Variants in LINGO1 observed in about 807,000 individuals in gnomAD.
The protein encoded by LINGO1 is leucine rich repeat and Ig domain containing 1, also known as leucine-rich repeat and immunoglobulin-like domain-containing nogo receptor-interacting protein 1.
Under a neutral mutation model 37.3 loss-of-function variants are expected in LINGO1, and 11 were observed. The ratio of observed to expected loss-of-function variants is 0.29; its 90% confidence interval spans 0.19 to 0.49. The LOEUF (loss-of-function observed/expected upper bound fraction) is 0.49. Among genes scored for constraint, LINGO1 ranks in the 20% least tolerant of loss-of-function variants. The pLI is 0.99. For missense variants in LINGO1, 585 were observed against 878.2 expected (o/e 0.67, Z 4.22); for synonymous variants, 387 against 403.0 (o/e 0.96, Z 0.48).
chr15:77,762,031 C>A (rs1018912009), intron 1 of LINGO1, among the ~76,000 whole-genome samples: 1 of 152,170 alleles, frequency 6.6e-6, no homozygotes, highest in African/African-American at 2.4e-5. Flanking sequence ...CCTCTTGGGT[C>A]TTTTGAGGCC....
chr15:77,615,678 C>T lies in LINGO1; in HGVS notation c.229G>A (p.Asp77Asn). The change falls in exon 2 of 2, where the codon GAC becomes AAC. Residue 77 changes from aspartate (D) to asparagine (N), a missense_variant. Around this residue, in one of 4 missense-constraint regions of LINGO1, gnomAD observed 484 missense variants for 735.0 expected, o/e 0.66. Coordinates refer to ENST00000355300, the MANE Select transcript of LINGO1 (RefSeq NM_032808.7). ...GTTTTGATGCGGTTCTTGCCTAGGT[C>T]CAGCAGGCGCGTCTCGGTGGGGATG... is the stretch of plus-strand genomic sequence containing the variant. ...EGIPTETRLL[D>N]LGKNRIKTLN... is the part of the protein sequence containing the mutation. 1.9e-6 allele frequency: 3 copies of T among 1,603,172 alleles called. No homozygotes were observed. The highest frequency in any genetic ancestry group is 2.6e-6 in the Non-Finnish European group (3 of 1,172,912).
chr15:77,819,848 G>A (rs2077083724), intron 1 of LINGO1, among the ~76,000 whole-genome samples: 1 of 151,392 alleles, frequency 6.6e-6, no homozygotes, highest in African/African-American at 2.4e-5. Flanking sequence ...CACTCCCGCG[G>A]GAAGCGCCGG....
intron 1 of LINGO1, among the ~76,000 whole-genome samples, chr15:77,810,314 ACACACACATACACATG>A (rs1393637461): frequency 6.6e-6 from 1 of 150,886 alleles, no homozygotes; most frequent in East Asian, 1.9e-4. Flanking sequence ...CTAGGCTCAC[ACACACACATACACATG>A]CACACACACA....
chr15:77,623,519 G>T (rs1246990299), intron 1 of LINGO1, among the ~76,000 whole-genome samples: 1 of 152,224 alleles, frequency 6.6e-6, no homozygotes, highest in Non-Finnish European at 1.5e-5. Context: ...TTGGGGGGCT[G>T]CCTCCTGGCC....
intron 3 of LINGO1, among the ~76,000 whole-genome samples, chr15:77,654,677 G>C (rs573522001): frequency 2.0e-5 from 3 of 152,148 alleles, no homozygotes; most frequent in Non-Finnish European, 4.4e-5. Context: ...AATGGAAAGG[G>C]CTCGAGAGCT....
chr15:77,698,654 C>T (rs2075728029), upstream of LINGO1, among the ~76,000 whole-genome samples: 1 of 152,134 alleles, frequency 6.6e-6, no homozygotes, highest in African/African-American at 2.4e-5. Flanking sequence ...ACCAGAGAGA[C>T]ATAGTGGGGT....
chr15:77,774,587 A>G (rs1210263849), intron 1 of LINGO1, among the ~76,000 whole-genome samples: 1 of 152,122 alleles, frequency 6.6e-6, no homozygotes, highest in Non-Finnish European at 1.5e-5. Flanking sequence ...CCAGCAGGGC[A>G]TGAGCCCAGT....
intron 1 of LINGO1, among the ~76,000 whole-genome samples, chr15:77,625,033 C>G (rs2074046662): frequency 6.6e-6 from 1 of 152,236 alleles, no homozygotes; most frequent in Non-Finnish European, 1.5e-5. Context: ...CCTCTCACAC[C>G]TTCCTGGGGC....
chr15:77,703,605 G>A lies in LINGO1; in HGVS notation c.-194-12704C>T, dbSNP rs141504125. ...AAGAAATGCTTGTGGGGTGATGTCAGGGATGCTGGGAAGGACCCTCCAGAG... is the reference window on the plus strand; with the variant it reads ...AAGAAATGCTTGTGGGGTGATGTCAAGGATGCTGGGAAGGACCCTCCAGAG... On this transcript the variant is annotated intron_variant, in intron 2 of 3. Transcript: ENST00000561686. Among the ~76,000 whole-genome samples, 3 of 152,302 alleles carry A rather than the reference G, an allele frequency of 2.0e-5. No homozygotes were observed. The East Asian group carries it at 5.8e-4, about 29-fold the overall frequency.
rs561175902 is a variant in LINGO1 at position 77,802,227 on chromosome 15, G to A, written c.-457-6174C>T. 3.3e-5 allele frequency among the ~76,000 whole-genome samples: 5 copies of A among 152,224 alleles called. No homozygotes were observed. The South Asian group carries it at 1.0e-3, about 32-fold the overall frequency. On this transcript the variant is annotated intron_variant, in intron 1 of 5. Coordinates refer to the LINGO1 transcript ENST00000562933. ...TCTGCGGAGGTGAACTCTGGAGGGT[G>A]TGTGGGTTCCAAGCGGTGCAGAGGC... is the stretch of plus-strand genomic sequence containing the variant.
intron 1 of LINGO1, among the ~76,000 whole-genome samples, chr15:77,774,085 G>T (rs886427669): frequency 6.6e-6 from 1 of 152,082 alleles, no homozygotes; most frequent in Non-Finnish European, 1.5e-5. Context: ...GGGGCTCCAG[G>T]GATGCCATGG....
chr15:77,801,845 G>A (rs1193452621), intron 1 of LINGO1, among the ~76,000 whole-genome samples: 1 of 152,170 alleles, frequency 6.6e-6, no homozygotes, highest in African/African-American at 2.4e-5. Context: ...GGTTGCTCAA[G>A]GTACACCGGC....
Position 77,614,335 on chromosome 15 carries a change from C to T in LINGO1, c.1572G>A (p.Gln524=). The change falls in exon 2 of 2, where the codon CAG becomes CAA. Residue 524 remains glutamine (Q), a synonymous_variant. Coordinates refer to ENST00000355300, the MANE Select transcript of LINGO1 (RefSeq NM_032808.7). ...AGATGAAAGCGAAGGTCTTGTTGGG[C>T]TGATGGGGCCAGTCGGGCGAGTAGC... The part of the protein sequence containing the change: ...VRSYSPDWPH[Q]PNKTFAFISN... 6.2e-7 allele frequency: 1 copy of T among 1,613,964 alleles called. No individual in the cohort carries two copies. Among genetic ancestry groups the T allele is most frequent in the Non-Finnish European group, 8.5e-7 (1 of 1,179,900 alleles).
chr15:77,672,480 A>G (rs2075267357), intron 3 of LINGO1, among the ~76,000 whole-genome samples: 1 of 152,150 alleles, frequency 6.6e-6, no homozygotes, highest in South Asian at 2.1e-4. Flanking sequence ...AGACCCAGCC[A>G]AATGGCAGGC....
chr15:77,766,768 C>T (rs1487383497), intron 1 of LINGO1, among the ~76,000 whole-genome samples: 2 of 152,176 alleles, frequency 1.3e-5, no homozygotes, highest in African/African-American at 2.4e-5. Context: ...AACCTCTTTC[C>T]TTTACAAATT....
chr15:77,754,043 AGCAGGAAACAGGCCCAGAGC>A (rs769147311), intron 1 of LINGO1, among the ~76,000 whole-genome samples: 1 of 152,080 alleles, frequency 6.6e-6, no homozygotes, highest in Non-Finnish European at 1.5e-5. Flanking sequence ...GCTGTGGAAA[AGCAGGAAACAGGCCCAGAGC>A]TGGGAGAGAG....
intron 1 of LINGO1, among the ~76,000 whole-genome samples, chr15:77,629,662 T>C (rs1243082368): frequency 6.6e-6 from 1 of 152,162 alleles, no homozygotes; most frequent in Non-Finnish European, 1.5e-5. Context: ...CGCTAGCCAA[T>C]AGCTACTCCC....
chr15:77,627,829 C>T (rs1436045476), intron 1 of LINGO1, among the ~76,000 whole-genome samples: 1 of 152,196 alleles, frequency 6.6e-6, no homozygotes, highest in African/African-American at 2.4e-5. Context: ...TCCCTGATTG[C>T]TCATATCCAT....
intron 2 of LINGO1, among the ~76,000 whole-genome samples, chr15:77,720,170 C>T (rs1298716764): frequency 6.6e-6 from 1 of 151,488 alleles, no homozygotes; most frequent in Non-Finnish European, 1.5e-5. Flanking sequence ...CAATACCGAT[C>T]CTGGCCCTGA....
Sources: gnomAD v4.1 joint callset for allele counts (sites outside exome capture counted in the v4.1 genomes callset) on GRCh38, gnomAD v4.1.1 for gene constraint, gnomAD v4.1.1 regional missense constraint, MANE v1.5 for transcripts, NCBI Gene and HGNC (gene_info 2026-07-23, HGNC 2026-07-21) for gene names.